The following EYA4 variants were observed in gnomAD, a reference collection of about 807,000 sequenced individuals.
EYA4 encodes the protein EYA transcriptional coactivator and phosphatase 4, also known as protein phosphatase EYA4.
A neutral mutation model predicts 87.9 loss-of-function variants in EYA4; 31 were observed. That is an observed-to-expected ratio of 0.35 (90% CI 0.27 to 0.48). EYA4 has a LOEUF of 0.48. Among genes scored for constraint, EYA4 ranks in the 20% least tolerant of loss-of-function variants. The pLI, the probability that EYA4 is intolerant of heterozygous loss-of-function variation, is 0.99. For missense variants in EYA4, 678 were observed against 761.4 expected, an observed-to-expected ratio of 0.89 and a Z score of 1.29; for synonymous variants, 263 against 270.6, an observed-to-expected ratio of 0.97 and a Z score of 0.28.
At chr6:133,469,768 G>A (rs913842993) in intron 11 of EYA4, among the ~76,000 whole-genome samples, 8 of 151,936 alleles carry the variant, frequency 5.3e-5, no homozygotes, top group Non-Finnish European at 1.0e-4. Context: ...AAATCTTTGT[G>A]ACCCTGGGCT....
At chr6:133,330,568 TAC>T (rs57398314) in intron 2 of EYA4, among the ~76,000 whole-genome samples, 13,391 of 143,610 alleles carry the variant, frequency 0.093, 763 homozygotes, top group Non-Finnish European at 0.13. Context: ...TATATATATA[TAC>T]ACACACACAC....
intron 4 of EYA4, among the ~76,000 whole-genome samples, chr6:133,447,660 T>C (rs1249862401): frequency 6.6e-6 from 1 of 152,118 alleles, no homozygotes; most frequent in Non-Finnish European, 1.5e-5. Flanking sequence ...CAATCTAAAG[T>C]TTTCTCTGTA....
At chr6:133,486,486 A>ATAGT (rs79516332) in intron 13 of EYA4, among the ~76,000 whole-genome samples, 6 of 152,130 alleles carry the variant, frequency 3.9e-5, no homozygotes, top group African/African-American at 1.2e-4. Context: ...CATTTAACAA[A>ATAGT]TAGTTAGTAA....
chr6:133,345,475 C>G lies in EYA4; in HGVS notation c.34-36917C>G, dbSNP rs192960708. ...TAAATTAAAAATGTAAATCTAAGAC[C>G]TGCATCCTCAACCTTTAATTTCCAA... On this transcript the variant is annotated intron_variant, in intron 2 of 19. Coordinates refer to ENST00000355286, the MANE Select transcript of EYA4 (RefSeq NM_004100.5). Among the ~76,000 whole-genome samples, 336 of 152,154 alleles carry G rather than the reference C, an allele frequency of 2.2e-3. 1 individual carries two copies. Among genetic ancestry groups the G allele is most frequent in the African/African-American group, 7.9e-3 (327 of 41,534 alleles).
At chr6:133,297,936 C>T (rs576390604) in intron 2 of EYA4, among the ~76,000 whole-genome samples, 28 of 152,290 alleles carry the variant, frequency 1.8e-4, no homozygotes, top group African/African-American at 5.3e-4. Flanking sequence ...TTTTAGCCTC[C>T]ACTAATGATT....
chr6:133,432,341 A>C (rs569709817), intron 3 of EYA4, among the ~76,000 whole-genome samples: 75 of 152,326 alleles, frequency 4.9e-4, no homozygotes, highest in African/African-American at 1.6e-3. Flanking sequence ...TATGCCAGCC[A>C]CATTTCTCAT....
chr6:133,284,988 G>T (rs973929698), intron 2 of EYA4, among the ~76,000 whole-genome samples: 4 of 145,192 alleles, frequency 2.8e-5, no homozygotes, highest in East Asian at 4.1e-4. Flanking sequence ...GTGGTTTTTT[G>T]TTTTTTTTTT....
chr6:133,485,705 T>G (rs1796630869), intron 13 of EYA4, among the ~76,000 whole-genome samples: 1 of 152,230 alleles, frequency 6.6e-6, no homozygotes, highest in South Asian at 2.1e-4. Flanking sequence ...AATGATCTTC[T>G]CTCAGACACT....
chr6:133,297,921 A>C (rs1167424217), intron 2 of EYA4, among the ~76,000 whole-genome samples: 1 of 152,316 alleles, frequency 6.6e-6, no homozygotes, highest in East Asian at 1.9e-4. Flanking sequence ...CCATTCACTC[A>C]GTGGTTTTAG....
At position 133,499,653 on chromosome 6, in the gene EYA4, C is replaced by G. The variant is rs543123562; in HGVS notation, c.1192-6453C>G. 2.0e-3 allele frequency among the ~76,000 whole-genome samples: 303 copies of G among 152,208 alleles called. 2 individuals are homozygous for G. The highest frequency in any genetic ancestry group is 6.9e-3 in the African/African-American group (288 of 41,510). On this transcript the variant is annotated intron_variant, in intron 13 of 19. Transcript: ENST00000355286. Reference sequence around the variant, plus strand: ...AATTCAAAATGTGCTAGCTTTTCACCTTTACCAGCTCCCCAGCAGGTAATT... The same window carrying G: ...AATTCAAAATGTGCTAGCTTTTCACGTTTACCAGCTCCCCAGCAGGTAATT...
intron 3 of EYA4, among the ~76,000 whole-genome samples, chr6:133,440,039 G>T (rs993792654): frequency 6.6e-6 from 1 of 152,146 alleles, no homozygotes; most frequent in South Asian, 2.1e-4. Context: ...CAAGCCCTGC[G>T]CCATCTAAAC....
chr6:133,517,474 C>A (rs945602785), intron 17 of EYA4, among the ~76,000 whole-genome samples: 1 of 151,352 alleles, frequency 6.6e-6, no homozygotes, highest in Admixed American at 6.6e-5. Flanking sequence ...GGGAACACAG[C>A]ATTCAGAGAA....
chr6:133,450,298 T>C (rs1793305476), intron 5 of EYA4, among the ~76,000 whole-genome samples: 1 of 152,164 alleles, frequency 6.6e-6, no homozygotes, highest in Non-Finnish European at 1.5e-5. Flanking sequence ...TTTCAATGAC[T>C]TTTTATGGTG....
At chr6:133,466,329 T>C (rs1794836383) in intron 10 of EYA4, among the ~76,000 whole-genome samples, 1 of 152,130 alleles carries the variant, frequency 6.6e-6, no homozygotes, top group Admixed American at 6.6e-5. Context: ...CTGTGAAGAT[T>C]TAAATATAGT....
chr6:133,448,201 T>C, intron 5 of EYA4, 22 bp downstream of exon 5: 1 of 1,558,382 alleles, frequency 6.4e-7, no homozygotes, highest in South Asian at 1.1e-5. Context: ...GCTGGTACAC[T>C]GCATGTGTTT....
At chr6:133,355,476 T>C (rs1037329924) in intron 2 of EYA4, among the ~76,000 whole-genome samples, 2 of 152,214 alleles carry the variant, frequency 1.3e-5, no homozygotes, top group Non-Finnish European at 2.9e-5. Flanking sequence ...GTGGTACCTA[T>C]ACACCATAGA....
At chr6:133,440,448 CT>C (rs547949955) in intron 3 of EYA4, among the ~76,000 whole-genome samples, 1 of 151,842 alleles carries the variant, frequency 6.6e-6, no homozygotes. Flanking sequence ...GTGGCAGCTT[CT>C]TTTTTTTCAT....
At chr6:133,315,533 T>C (rs1350721935) in intron 2 of EYA4, among the ~76,000 whole-genome samples, 1 of 152,100 alleles carries the variant, frequency 6.6e-6, no homozygotes, top group African/African-American at 2.4e-5. Context: ...GAAAATTTGC[T>C]GAGAATTCTC....
chr6:133,378,659 A>C (rs1785911051), intron 2 of EYA4, among the ~76,000 whole-genome samples: 1 of 152,122 alleles, frequency 6.6e-6, no homozygotes, highest in Non-Finnish European at 1.5e-5. Context: ...ATATCTAAGC[A>C]CTGTGCCTGG....
Sources: gnomAD v4.1 joint callset for allele counts (sites outside exome capture counted in the v4.1 genomes callset) on GRCh38, gnomAD v4.1.1 for gene constraint, MANE v1.5 for transcripts, NCBI Gene and HGNC (gene_info 2026-07-23, HGNC 2026-07-21) for gene names.